PCK2: variants seen among roughly 807,000 people sequenced by gnomAD.
PCK2 encodes the protein phosphoenolpyruvate carboxykinase 2, mitochondrial.
In PCK2, 56 loss-of-function variants were observed where a neutral mutation model predicts 65.9. The observed-to-expected ratio is 0.85, with a 90% CI of 0.69 to 1.06. The LOEUF is 1.06. PCK2 is among the 50% of genes least tolerant of loss of function. The pLI, the probability that PCK2 is intolerant of heterozygous loss-of-function variation, is 0.00. For missense variants in PCK2, 843 were observed against 863.1 expected (o/e 0.98, Z 0.29); for synonymous variants, 305 against 319.6 (o/e 0.95, Z 0.49).
Position 24,104,059 on chromosome 14 carries a change from C to A in PCK2, c.*95C>A. ...ATATGAGCAATTTGATATTAACTAACATCTTCAATGTGCCATAGACCTTCC... is the reference window on the plus strand; with the variant it reads ...ATATGAGCAATTTGATATTAACTAAAATCTTCAATGTGCCATAGACCTTCC... On this transcript the variant is annotated 3_prime_UTR_variant, in exon 10 of 10. Transcript: ENST00000216780. The A allele has an allele frequency of 1.3e-6, 1 of 796,548 alleles. No homozygotes were observed. Among genetic ancestry groups the A allele is most frequent in the Non-Finnish European group, 2.1e-6 (1 of 473,618 alleles). The allele number at this position is 796,548 out of a possible 1,614,324, so 49.3% of individuals were successfully genotyped here.
In PCK2 at chr14:24,094,802, C is replaced by A. The variant is rs531510941; in HGVS notation, c.29+368C>A. The A allele has an allele frequency of 7.4e-7, 1 of 1,354,882 alleles. No individual in the cohort carries two copies. The highest frequency in any genetic ancestry group is 9.7e-7 in the Non-Finnish European group (1 of 1,031,740). 83.9% of individuals were successfully genotyped at this position (1,354,882 alleles called of 1,614,324 possible). A position where few individuals can be genotyped will look rare whatever the true frequency, so the allele number is the denominator to read the frequency against. ...GGACCTCTAACGGGCTCTCAGCCAG[C>A]GCCCCAGGGTACTTCGAGAGGCAGC... On this transcript the variant is annotated intron_variant, in intron 1 of 9. Coordinates refer to ENST00000216780, the MANE Select transcript of PCK2 (RefSeq NM_004563.4). The surrounding 1 kb of genome is among the most constrained non-coding windows in gnomAD (Gnocchi z 4.1).
rs61497654 is a variant in PCK2 at position 24,103,500 on chromosome 14, TC to T, written c.1469-3del. On this transcript the variant is annotated splice_polypyrimidine_tract_variant and intron_variant, in intron 9 of 9. Coordinates refer to ENST00000216780, the MANE Select transcript of PCK2 (RefSeq NM_004563.4). Reference sequence around the variant, plus strand: ...AGGAAGATTCCTTACCCATCTTGCTTCCCCCCCAGGGAAGATCATCATGCAC... The same window carrying T: ...AGGAAGATTCCTTACCCATCTTGCTTCCCCCCAGGGAAGATCATCATGCAC... 8 of 1,534,352 alleles carry T rather than the reference TC, an allele frequency of 5.2e-6. No homozygotes were observed. The East Asian group carries it at 6.8e-5, about 13-fold the overall frequency.
At chr14:24,100,249 G>A (rs754496960) in intron 7 of PCK2, 36 bp downstream of exon 7, 5 of 1,610,710 alleles carry the variant, frequency 3.1e-6, no homozygotes, top group Non-Finnish European at 4.2e-6. Flanking sequence ...ACAGCCTCCA[G>A]GCCTCAGCAC....
At position 24,099,253 on chromosome 14, in the gene PCK2, A is replaced by ATC. The variant is rs2037050180; in HGVS notation, c.852+17_852+18insTC. ...CACATGCTGGTGAGGGCCTGGTGAG[A>ATC]AGCAGGGCAGCTGCCGGGGACAGGG... On this transcript the variant is annotated intron_variant, in intron 5 of 9. Transcript: ENST00000216780. 1 of 1,581,306 alleles carries ATC rather than the reference A, an allele frequency of 6.3e-7. No individual in the cohort carries two copies. The highest frequency in any genetic ancestry group is 8.6e-7 in the Non-Finnish European group (1 of 1,164,792).
Position 24,094,360 on chromosome 14 carries a change from G to C in PCK2, c.-46G>C. 6.6e-7 allele frequency: 1 copy of C among 1,516,402 alleles called. No individual in the cohort carries two copies. The highest frequency in any genetic ancestry group is 8.9e-7 in the Non-Finnish European group (1 of 1,127,928). 93.9% of individuals were successfully genotyped at this position (1,516,402 alleles called of 1,614,324 possible). A position where few individuals can be genotyped will look rare whatever the true frequency, so the allele number is the denominator to read the frequency against. On this transcript the variant is annotated 5_prime_UTR_variant, in exon 1 of 10. Transcript: ENST00000216780. This position sits in a 1 kb window ranked among gnomAD's most constrained non-coding sequence, Gnocchi z 4.1. The stretch of plus-strand genomic sequence containing the variant: ...CCTTCCCCGCCTTCCATACCTCCCC[G>C]GCTCCGCTCGGTTCCTGGCCACCCC...
chr14:24,103,027 G>A (rs1383402885), intron 8 of PCK2, 133 bp from the exon 9 acceptor site: 3 of 1,220,406 alleles, frequency 2.5e-6, no homozygotes, highest in African/African-American at 1.5e-5. Context: ...TGCAAACTTG[G>A]GAGGAGGCAA....
At chr14:24,103,284 CTG>C in intron 9 of PCK2, 29 bp downstream of exon 9, 2 of 1,563,264 alleles carry the variant, frequency 1.3e-6, no homozygotes, top group Non-Finnish European at 1.8e-6. Context: ...CCTCCCTCTC[CTG>C]TGTGTGCACA....
chr14:24,100,496 A>C (rs1266938957), intron 7 of PCK2: 5 of 792,444 alleles, frequency 6.3e-6, no homozygotes, highest in Middle Eastern at 3.9e-4. Context: ...AGATTGTTGG[A>C]GGATTAAATA....
intron 7 of PCK2, chr14:24,100,670 A>G (rs1041133535): frequency 1.0e-5 from 7 of 695,438 alleles, no homozygotes; most frequent in Non-Finnish European, 1.2e-5. Context: ...CCATTAGGAA[A>G]AGAGGAAAGC....
chr14:24,103,226 C>G lies in PCK2; in HGVS notation c.1439C>G (p.Ser480Cys), dbSNP rs1566581459. 1 of 1,613,966 alleles carries G rather than the reference C, an allele frequency of 6.2e-7. No individual in the cohort carries two copies. The highest frequency in any genetic ancestry group is 8.5e-7 in the Non-Finnish European group (1 of 1,179,842). ...GTGTTTGTGGGCAGCGCCATGCGCT[C>G]TGAGTCCACTGCTGCAGCAGAACAC... Reference protein sequence around the residue: ...HGVFVGSAMRSESTAAAEHKG... With the variant: ...HGVFVGSAMRCESTAAAEHKG... Residue 480 changes from serine (S) to cysteine (C), a missense_variant, in exon 9 of 10, where the codon TCT (serine) becomes TGT (cysteine). Ser to Cys is a moderately radical substitution (Grantham distance 112, BLOSUM62 -1). Transcript: ENST00000216780.
Position 24,099,139 on chromosome 14 carries a change from G to A in PCK2, c.755G>A (p.Gly252Asp), listed in dbSNP as rs1430535996. Residue 252 changes from glycine (G) to aspartate (D), a missense_variant, in exon 5 of 10, where the codon GGC (glycine) becomes GAC (aspartate). Physicochemically the swap from Gly to Asp is moderately conservative, Grantham distance 94. Transcript: ENST00000216780. ...CGGGAGATCATCTCCTTCGGCAGCG[G>A]CTATGGTGGCAACTCCCTGCTGGGC... is the stretch of plus-strand genomic sequence containing the variant. The part of the protein sequence containing the change: ...DQREIISFGS[G>D]YGGNSLLGKK... 3 of 1,611,926 alleles carry A rather than the reference G, an allele frequency of 1.9e-6. No individual in the cohort carries two copies. The highest frequency in any genetic ancestry group is 2.2e-5 in the East Asian group (1 of 44,886).
Position 24,094,891 on chromosome 14 carries a change from T to G in PCK2, c.29+457T>G. 1 of 1,255,898 alleles carries G rather than the reference T, an allele frequency of 8.0e-7. No homozygotes were observed. The highest frequency in any genetic ancestry group is 1.5e-5 in the African/African-American group (1 of 65,212). The allele number at this position is 1,255,898 out of a possible 1,614,324, so 77.8% of individuals were successfully genotyped here. A position where few individuals can be genotyped will look rare whatever the true frequency, so the allele number is the denominator to read the frequency against. On this transcript the variant is annotated intron_variant, in intron 1 of 9. Coordinates refer to ENST00000216780, the MANE Select transcript of PCK2 (RefSeq NM_004563.4). This position sits in a 1 kb window ranked among gnomAD's most constrained non-coding sequence, Gnocchi z 4.1. The stretch of plus-strand genomic sequence containing the variant: ...TAAGCTCAGAGCCCCCTAAAGAAGG[T>G]GGAAGGTTAAATATCCATTCCCGGC...
Position 24,098,217 on chromosome 14 carries a change from C to T in PCK2, c.290C>T (p.Thr97Ile), listed in dbSNP as rs768522658. 4 of 1,610,192 alleles carry T rather than the reference C, an allele frequency of 2.5e-6. No homozygotes were observed. Among genetic ancestry groups the T allele is most frequent in the African/African-American group, 1.3e-5 (1 of 74,872 alleles). ...PKYNNCWLAR[T>I]DPKDVARVES... ...CTCTCCCCCAGCTGGCTGGCCCGCA[C>T]AGACCCCAAGGATGTGGCACGAGTA... Residue 97 changes from threonine to isoleucine, a missense_variant, in exon 3 of 10, where the codon ACA (threonine) becomes ATA (isoleucine). Thr to Ile is a moderately conservative substitution (Grantham distance 89). Transcript: ENST00000216780.
rs144382313 is a variant in PCK2, at chr14:24,097,173, C to G, written c.275+36C>G. The G allele has an allele frequency of 6.9e-6, 11 of 1,600,256 alleles. No individual in the cohort carries two copies. In the East Asian group the frequency reaches 2.5e-4, roughly 36 times the overall value. ...GGCTCCACAACCTGCAGGATAGGTG[C>G]ACTGAGGCCACTTTGGGTTCACCAA... On this transcript the variant is annotated intron_variant, in intron 2 of 9. Transcript: ENST00000216780.
At chr14:24,095,122 C>G in intron 1 of PCK2, 1 of 456,152 alleles carries the variant, frequency 2.2e-6, no homozygotes, top group Non-Finnish European at 4.4e-6. Flanking sequence ...CCTATTTATT[C>G]TCTGAGGCCT....
At chr14:24,100,457 A>G in intron 7 of PCK2, 2 of 924,782 alleles carry the variant, frequency 2.2e-6, no homozygotes, top group Non-Finnish European at 3.1e-6. Context: ...CAGTTGAATG[A>G]GGGTAGTTGT....
At chr14:24,102,530 CTCTT>C in intron 7 of PCK2, 1 of 521,582 alleles carries the variant, frequency 1.9e-6, no homozygotes, top group Non-Finnish European at 3.4e-6. Flanking sequence ...TCCTCTCCCA[CTCTT>C]TTCTCACATA....
intron 1 of PCK2, 23 bp from the exon 2 acceptor site, chr14:24,096,869 C>T: frequency 6.2e-7 from 1 of 1,602,302 alleles, no homozygotes; most frequent in Non-Finnish European, 8.5e-7. Flanking sequence ...GCAACTAGCT[C>T]ATTGCCTCTG....
Position 24,098,681 on chromosome 14 carries a change from A to G in PCK2, c.664+3A>G. ...GGGCCAGCCCCTGACAGGACAAGGT[A>G]AGCACCTGCTCTGCCCCAAGGGGAA... On this transcript the variant is annotated splice_donor_region_variant and intron_variant, in intron 4 of 9. Transcript: ENST00000216780. The G allele has an allele frequency of 6.2e-7, 1 of 1,612,642 alleles. No individual in the cohort carries two copies. Among genetic ancestry groups the G allele is most frequent in the East Asian group, 2.2e-5 (1 of 44,878 alleles).
Sources: allele counts gnomAD v4.1 joint callset, GRCh38; gene constraint gnomAD v4.1.1; non-coding constraint Gnocchi (gnomAD v3.1); transcripts MANE v1.5; gene names NCBI Gene and HGNC (gene_info 2026-07-23, HGNC 2026-07-21).